CNTN5: variants seen among roughly 807,000 people sequenced by gnomAD.
The protein encoded by CNTN5 is contactin 5.
A neutral mutation model predicts 129.1 loss-of-function variants in CNTN5; 77 were observed. The observed-to-expected ratio is 0.60, with a 90% CI of 0.50 to 0.72. The LOEUF is 0.72. Ranked by LOEUF, CNTN5 falls within the 30% of genes least tolerant of loss-of-function variation. CNTN5 has a pLI of 0.00. For synonymous variants in CNTN5, 509 were observed against 465.6 expected (o/e 1.09, Z -1.20); for missense variants, 1,478 against 1,328.8 (o/e 1.11, Z -1.75).
intron 13 of CNTN5, among the ~76,000 whole-genome samples, chr11:100,078,099 T>G (rs1944215118): frequency 6.6e-6 from 1 of 152,152 alleles, no homozygotes; most frequent in African/African-American, 2.4e-5. Flanking sequence ...TAGTTCGTCA[T>G]TTGTCAACAG....
chr11:99,342,203 T>G (rs563215141), intron 2 of CNTN5, among the ~76,000 whole-genome samples: 1 of 152,204 alleles, frequency 6.6e-6, no homozygotes, highest in African/African-American at 2.4e-5. Context: ...TTTACAGACT[T>G]TAAAATATTT....
intron 13 of CNTN5, among the ~76,000 whole-genome samples, chr11:100,086,191 T>A (rs1430300199): frequency 2.0e-5 from 3 of 151,566 alleles, no homozygotes; most frequent in Non-Finnish European, 4.4e-5. Flanking sequence ...TTTGAATTAA[T>A]ATCTTTTATT....
At chr11:100,196,176 A>G (rs568034422) in intron 15 of CNTN5, among the ~76,000 whole-genome samples, 6 of 152,038 alleles carry the variant, frequency 3.9e-5, no homozygotes, top group African/African-American at 1.4e-4. Flanking sequence ...GAGTGTGCCT[A>G]TGATTGGAGC....
intron 1 of CNTN5, among the ~76,000 whole-genome samples, chr11:99,039,153 A>G (rs370016606): frequency 1.3e-5 from 2 of 152,308 alleles, no homozygotes; most frequent in East Asian, 3.9e-4. Context: ...TCATAAATTC[A>G]TGTAGAAACA....
intron 9 of CNTN5, among the ~76,000 whole-genome samples, chr11:100,039,119 T>C (rs1942222771): frequency 6.6e-6 from 1 of 152,200 alleles, no homozygotes; most frequent in Admixed American, 6.5e-5. Context: ...GTTGTTCCTT[T>C]CCATGTTTAG....
chr11:100,121,894 A>G (rs1946036839), intron 13 of CNTN5, among the ~76,000 whole-genome samples: 1 of 152,076 alleles, frequency 6.6e-6, no homozygotes, highest in African/African-American at 2.4e-5. Context: ...ACAATTTTAA[A>G]AAAAGATGAA....
chr11:99,932,261 C>T (rs1006230443), intron 7 of CNTN5, among the ~76,000 whole-genome samples: 2 of 152,172 alleles, frequency 1.3e-5, no homozygotes, highest in South Asian at 2.1e-4. Context: ...GGGTCGATCT[C>T]GGCTCACTGC....
chr11:99,870,105 G>A (rs1948463913), intron 6 of CNTN5, among the ~76,000 whole-genome samples: 1 of 152,086 alleles, frequency 6.6e-6, no homozygotes, highest in African/African-American at 2.4e-5. Context: ...TGTGATTGAG[G>A]ATATATGCTG....
At chr11:100,081,866 T>C (rs1418673197) in intron 13 of CNTN5, among the ~76,000 whole-genome samples, 1 of 152,158 alleles carries the variant, frequency 6.6e-6, no homozygotes, top group Non-Finnish European at 1.5e-5. Flanking sequence ...TGACTACAGC[T>C]GTGTACCTAA....
At chr11:99,195,892 G>A (rs1008605106) in intron 1 of CNTN5, among the ~76,000 whole-genome samples, 1 of 151,860 alleles carries the variant, frequency 6.6e-6, no homozygotes, top group African/African-American at 2.4e-5. Flanking sequence ...AAGCCTCAAA[G>A]AAATACTTTA....
At chr11:100,017,427 T>C (rs940025775) in intron 9 of CNTN5, among the ~76,000 whole-genome samples, 1 of 152,006 alleles carries the variant, frequency 6.6e-6, no homozygotes, top group African/African-American at 2.4e-5. Context: ...GTAGTTTAAT[T>C]GGCAGTGTTT....
At chr11:100,340,677 TC>T in intron 22 of CNTN5, 28 bp downstream of exon 22, 1 of 1,561,744 alleles carries the variant, frequency 6.4e-7, no homozygotes, top group Non-Finnish European at 8.7e-7. Flanking sequence ...TTTGTTTGTT[TC>T]AGACAAAGGG....
chr11:99,467,619 C>G (rs2135261605), intron 2 of CNTN5, among the ~76,000 whole-genome samples: 1 of 152,222 alleles, frequency 6.6e-6, no homozygotes, highest in Admixed American at 6.5e-5. Flanking sequence ...AGCTTTGTTA[C>G]ACATCCTTTT....
intron 1 of CNTN5, among the ~76,000 whole-genome samples, chr11:99,172,088 A>T (rs918805825): frequency 7.2e-5 from 11 of 152,242 alleles, no homozygotes; most frequent in Admixed American, 5.9e-4. Context: ...CATGCTTTAT[A>T]TGCAGAAGGC....
chr11:100,133,998 A>G (rs980339925), intron 13 of CNTN5, among the ~76,000 whole-genome samples: 7 of 152,186 alleles, frequency 4.6e-5, no homozygotes, highest in Non-Finnish European at 8.8e-5. Context: ...AAATGTCAGA[A>G]AATAACGAAG....
chr11:99,622,046 T>C (rs1386311701), intron 3 of CNTN5, among the ~76,000 whole-genome samples: 2 of 152,220 alleles, frequency 1.3e-5, no homozygotes, highest in African/African-American at 4.8e-5. Context: ...GGTTAATATC[T>C]AATTGAGTAT....
chr11:100,166,034 TC>T (rs989427864), intron 13 of CNTN5, among the ~76,000 whole-genome samples: 1 of 151,700 alleles, frequency 6.6e-6, no homozygotes, highest in African/African-American at 2.4e-5. Context: ...CAGTTTACCT[TC>T]TAAATGATTG....
At chr11:99,938,890 A>G (rs1950373392) in intron 7 of CNTN5, among the ~76,000 whole-genome samples, 1 of 152,116 alleles carries the variant, frequency 6.6e-6, no homozygotes, top group Non-Finnish European at 1.5e-5. Context: ...AAAATTTTAA[A>G]CTGGAAATTT....
intron 13 of CNTN5, among the ~76,000 whole-genome samples, chr11:100,181,686 T>C (rs181756799): frequency 1.3e-5 from 2 of 152,180 alleles, no homozygotes; most frequent in African/African-American, 4.8e-5. Flanking sequence ...GAGGAAAGCA[T>C]AGAAGGAATC....
Sources: gnomAD v4.1 joint callset for allele counts (sites outside exome capture counted in the v4.1 genomes callset) on GRCh38, gnomAD v4.1.1 for gene constraint, MANE v1.5 for transcripts, NCBI Gene and HGNC (gene_info 2026-07-23, HGNC 2026-07-21) for gene names.